The following CCDC60 variants were observed in gnomAD, a reference collection of about 807,000 sequenced individuals.
CCDC60 encodes coiled-coil domain containing 60, also known as coiled-coil domain-containing protein 60.
In CCDC60, 54 loss-of-function variants were observed where a neutral mutation model predicts 63.5. The observed-to-expected ratio is 0.85, with a 90% CI of 0.68 to 1.07. The LOEUF (loss-of-function observed/expected upper bound fraction) is 1.07, where lower values mean the gene tolerates loss of function less well. Among genes scored for constraint, CCDC60 ranks in the 50% least tolerant of loss-of-function variants. The probability of loss-of-function intolerance (pLI) is 0.00; values close to 1 mark genes in which losing one functional copy is unlikely to be tolerated. For missense variants in CCDC60, 651 were observed against 684.3 expected (o/e 0.95, Z 0.54); for synonymous variants, 206 against 238.8 (o/e 0.86, Z 1.27).
chr12:119,481,193 CTT>C (rs990433901), intron 4 of CCDC60, among the ~76,000 whole-genome samples: 1 of 152,178 alleles, frequency 6.6e-6, no homozygotes, highest in Admixed American at 6.5e-5. Flanking sequence ...CCCTACCTCT[CTT>C]TGATTGGTAT....
chr12:119,389,953 C>G (rs998256326), intron 1 of CCDC60, among the ~76,000 whole-genome samples: 2 of 152,176 alleles, frequency 1.3e-5, no homozygotes. Context: ...GACTCCTGGT[C>G]AGTGTGTGGC....
intron 1 of CCDC60, among the ~76,000 whole-genome samples, chr12:119,418,683 G>C (rs1006643054): frequency 2.6e-5 from 4 of 151,932 alleles, no homozygotes; most frequent in African/African-American, 9.7e-5. Flanking sequence ...CCAAAGTGCT[G>C]GGATTACAGG....
At chr12:119,460,074 T>C (rs959995773) in intron 2 of CCDC60, among the ~76,000 whole-genome samples, 2 of 146,762 alleles carry the variant, frequency 1.4e-5, no homozygotes, top group South Asian at 2.3e-4. Context: ...AGGAACTAGA[T>C]AGCATCACCT....
rs1190058853 is a variant in CCDC60, at chr12:119,500,168, G to A, written c.648G>A (p.Lys216=). 6.2e-7 allele frequency: 1 copy of A among 1,603,478 alleles called. No homozygotes were observed. Among genetic ancestry groups the A allele is most frequent in the Admixed American group, 1.7e-5 (1 of 59,288 alleles). ...GGGAGCATTTCATCACAGCGCCAAA[G>A]GTAACCAACAACACGCGACTCAACC... ...QKWEHFITAP[K]TKKFKIPTMR... Residue 216 remains lysine, a splice_region_variant and synonymous_variant, in exon 6 of 14, where the codon AAG becomes AAA. Coordinates refer to ENST00000327554, the MANE Select transcript of CCDC60 (RefSeq NM_178499.5).
intron 1 of CCDC60, among the ~76,000 whole-genome samples, chr12:119,412,103 G>A (rs1016213645): frequency 6.6e-6 from 1 of 152,086 alleles, no homozygotes; most frequent in Non-Finnish European, 1.5e-5. Flanking sequence ...TCCATCGAAT[G>A]GCATCCAGGG....
chr12:119,477,907 C>A (rs1338444936), intron 3 of CCDC60, among the ~76,000 whole-genome samples: 2 of 151,712 alleles, frequency 1.3e-5, no homozygotes, highest in Non-Finnish European at 2.9e-5. Context: ...CACACACGCA[C>A]ACACACACAC....
intron 1 of CCDC60, among the ~76,000 whole-genome samples, chr12:119,412,282 A>G (rs1411627847): frequency 6.6e-6 from 1 of 151,964 alleles, no homozygotes; most frequent in Non-Finnish European, 1.5e-5. Flanking sequence ...AAAAAAAAAA[A>G]ATGAGGTTAA....
chr12:119,494,122 A>C (rs372947032), intron 5 of CCDC60, among the ~76,000 whole-genome samples: 14 of 152,162 alleles, frequency 9.2e-5, no homozygotes, highest in East Asian at 3.8e-4. Flanking sequence ...ACCTGTATTG[A>C]TTTTATTCTT....
intron 6 of CCDC60, among the ~76,000 whole-genome samples, chr12:119,502,078 T>C (rs762223650): frequency 1.3e-5 from 2 of 152,066 alleles, no homozygotes; most frequent in Non-Finnish European, 2.9e-5. Context: ...GCCAGGCAAA[T>C]TGTGTTATTA....
At chr12:119,465,622 A>T (rs1185030971) in intron 2 of CCDC60, among the ~76,000 whole-genome samples, 2 of 151,712 alleles carry the variant, frequency 1.3e-5, no homozygotes, top group East Asian at 3.9e-4. Flanking sequence ...GCCAGGCGTG[A>T]TGGTGGGCAC....
chr12:119,472,501 C>A (rs1384142257), intron 3 of CCDC60, among the ~76,000 whole-genome samples: 1 of 151,590 alleles, frequency 6.6e-6, no homozygotes, highest in Non-Finnish European at 1.5e-5. Flanking sequence ...ATCAGTATCT[C>A]TGTTCCATAC....
chr12:119,507,611 T>TA (rs1952084086), intron 7 of CCDC60, among the ~76,000 whole-genome samples: 1 of 35,856 alleles, frequency 2.8e-5, no homozygotes, highest in Non-Finnish European at 4.9e-5. Flanking sequence ...TATATATATA[T>TA]ATATTTTTTT....
intron 3 of CCDC60, among the ~76,000 whole-genome samples, chr12:119,476,658 C>T (rs111286948): frequency 1.3e-5 from 2 of 152,314 alleles, no homozygotes; most frequent in African/African-American, 4.8e-5. Flanking sequence ...TAACACCCTC[C>T]ATGGTTGCCA....
chr12:119,346,835 T>TCTTTCTTTCTTTC (rs1555230504), intron 1 of CCDC60, among the ~76,000 whole-genome samples: 2 of 144,038 alleles, frequency 1.4e-5, no homozygotes, highest in Non-Finnish European at 1.5e-5. Flanking sequence ...TTTCTTTCTT[T>TCTTTCTTTCTTTC]TTTTTTTGAG....
At chr12:119,509,921 G>T (rs1024402741) in intron 7 of CCDC60, among the ~76,000 whole-genome samples, 1 of 151,862 alleles carries the variant, frequency 6.6e-6, no homozygotes, top group African/African-American at 2.4e-5. Context: ...CAAGTCTTCA[G>T]GAAAAAATAA....
chr12:119,483,272 T>A (rs962750736), intron 4 of CCDC60, among the ~76,000 whole-genome samples: 1 of 152,248 alleles, frequency 6.6e-6, no homozygotes, highest in African/African-American at 2.4e-5. Flanking sequence ...CCCTGCCTGA[T>A]AATTCCTGAA....
rs774090572 is a variant in CCDC60, at chr12:119,500,068, T to C, written c.558-10T>C. 1 of 1,597,168 alleles carries C rather than the reference T, an allele frequency of 6.3e-7. No individual in the cohort carries two copies. Among genetic ancestry groups the C allele is most frequent in the South Asian group, 1.1e-5 (1 of 90,650 alleles). On this transcript the variant is annotated splice_polypyrimidine_tract_variant and intron_variant, in intron 5 of 13. Coordinates refer to ENST00000327554, the MANE Select transcript of CCDC60 (RefSeq NM_178499.5). Reference sequence around the variant, plus strand: ...GAAACGGAAAACTCATTAAGCTGTTTCTCACTCAGGGACCCGGGTGGAAGC... The same window carrying C: ...GAAACGGAAAACTCATTAAGCTGTTCCTCACTCAGGGACCCGGGTGGAAGC...
chr12:119,444,855 T>C (rs1325365331), intron 2 of CCDC60, among the ~76,000 whole-genome samples: 1 of 152,192 alleles, frequency 6.6e-6, no homozygotes, highest in African/African-American at 2.4e-5. Flanking sequence ...CTAAGGGAAG[T>C]TGCTCTAATG....
chr12:119,515,278 C>T (rs1952325709), intron 7 of CCDC60, among the ~76,000 whole-genome samples: 1 of 152,168 alleles, frequency 6.6e-6, no homozygotes, highest in Non-Finnish European at 1.5e-5. Flanking sequence ...CAACCCATAA[C>T]AGTCAGGTAT....
Sources: allele counts gnomAD v4.1 joint callset (sites outside exome capture counted in the v4.1 genomes callset), GRCh38; gene constraint gnomAD v4.1.1; transcripts MANE v1.5; gene names NCBI Gene and HGNC (gene_info 2026-07-23, HGNC 2026-07-21).